RPS6KA5: variants seen among roughly 807,000 people sequenced by gnomAD.
The protein encoded by RPS6KA5 is ribosomal protein S6 kinase A5.
RPS6KA5 carries 27 observed loss-of-function variants against 85.5 expected under a neutral mutation model. The observed-to-expected ratio is 0.32, with a 90% CI of 0.23 to 0.44. RPS6KA5 has a LOEUF of 0.44. RPS6KA5 is among the 20% of genes least tolerant of loss of function. The pLI is 1.00. For missense variants in RPS6KA5, 811 were observed against 980.9 expected (o/e 0.83, Z 2.31); for synonymous variants, 334 against 348.2 (o/e 0.96, Z 0.46).
At chr14:90,997,202 GGAA>G (rs760257381) in intron 2 of RPS6KA5, among the ~76,000 whole-genome samples, 29 of 152,132 alleles carry the variant, frequency 1.9e-4, no homozygotes, top group South Asian at 6.2e-4. Context: ...TAGTAAAAAA[GGAA>G]GAAGATCATT....
Position 90,856,419 on chromosome 14 carries a change from A to AATGGTGC in RPS6KA5, c.*15648_*15654dup, listed in dbSNP as rs2032287933. 1 of 145,614 alleles carries AATGGTGC rather than the reference A, an allele frequency of 6.9e-6. No homozygotes were observed. The highest frequency in any genetic ancestry group is 1.5e-5 in the Non-Finnish European group (1 of 68,954). The allele number at this position is 145,614 out of a possible 1,614,324, so 9.0% of individuals were successfully genotyped here. Reference sequence around the variant, plus strand: ...ACTCTTGTTGCCCAGGCTGGAGTGCAATGGTGCGATCTAGGCTCACTGCAA... The same window carrying AATGGTGC: ...ACTCTTGTTGCCCAGGCTGGAGTGCAATGGTGCATGGTGCGATCTAGGCTCACTGCAA... On this transcript the variant is annotated 3_prime_UTR_variant, in exon 17 of 17. Coordinates refer to ENST00000614987, the MANE Select transcript of RPS6KA5 (RefSeq NM_004755.4).
intron 5 of RPS6KA5, among the ~76,000 whole-genome samples, chr14:90,929,735 C>T (rs1241881321): frequency 6.6e-6 from 1 of 151,520 alleles, no homozygotes; most frequent in African/African-American, 2.4e-5. Flanking sequence ...TGGAGGAACA[C>T]AAAAAGCCAA....
intron 14 of RPS6KA5, among the ~76,000 whole-genome samples, chr14:90,879,956 G>T (rs1031120299): frequency 2.6e-5 from 4 of 151,770 alleles, no homozygotes; most frequent in African/African-American, 7.3e-5. Context: ...GCTAACTTTT[G>T]TGTTTTTAGT....
At chr14:90,925,348 G>A (rs2036601062) in intron 5 of RPS6KA5, among the ~76,000 whole-genome samples, 1 of 152,210 alleles carries the variant, frequency 6.6e-6, no homozygotes, top group African/African-American at 2.4e-5. Flanking sequence ...CTAAACCTCA[G>A]TGAAAACAAA....
At chr14:90,922,514 T>C (rs1396078072) in intron 6 of RPS6KA5, among the ~76,000 whole-genome samples, 1 of 152,252 alleles carries the variant, frequency 6.6e-6, no homozygotes, top group Non-Finnish European at 1.5e-5. Flanking sequence ...AATGGCACAA[T>C]TTCTGCTCAC....
chr14:91,035,936 C>A, intron 1 of RPS6KA5, among the ~76,000 whole-genome samples: 1 of 111,690 alleles, frequency 9.0e-6, no homozygotes, highest in Non-Finnish European at 1.7e-5. Context: ...TAGGTATCTT[C>A]AAGCAAGCAC....
At chr14:90,966,944 G>T (rs1177446102) in intron 3 of RPS6KA5, among the ~76,000 whole-genome samples, 1 of 152,124 alleles carries the variant, frequency 6.6e-6, no homozygotes, top group Non-Finnish European at 1.5e-5. Context: ...GCTCTTCCAA[G>T]AGATAAATTC....
intron 14 of RPS6KA5, among the ~76,000 whole-genome samples, chr14:90,889,889 A>C (rs2034457855): frequency 1.3e-5 from 2 of 152,178 alleles, no homozygotes; most frequent in Admixed American, 1.3e-4. Flanking sequence ...GTACTGTCTG[A>C]AAATTTCCCA....
chr14:90,920,390 CTATT>C, intron 6 of RPS6KA5, 81 bp from the exon 7 acceptor site: 1 of 979,390 alleles, frequency 1.0e-6, no homozygotes, highest in Non-Finnish European at 1.6e-6. Context: ...TAAAAGCTAT[CTATT>C]AGGAAAATGT....
At chr14:91,023,111 T>A (rs1174612954) in intron 1 of RPS6KA5, among the ~76,000 whole-genome samples, 1 of 132,372 alleles carries the variant, frequency 7.6e-6, no homozygotes, top group Non-Finnish European at 1.6e-5. Context: ...AAGATTTGTG[T>A]ACTACTCTTC....
intron 1 of RPS6KA5, among the ~76,000 whole-genome samples, chr14:91,045,253 G>A (rs1226896211): frequency 6.7e-6 from 1 of 149,280 alleles, no homozygotes; most frequent in African/African-American, 2.5e-5. Flanking sequence ...ACCAAGTTCT[G>A]CTGATTCTTT....
chr14:90,874,424 G>A (rs934442466), intron 15 of RPS6KA5, among the ~76,000 whole-genome samples: 1 of 152,150 alleles, frequency 6.6e-6, no homozygotes, highest in African/African-American at 2.4e-5. Context: ...AGACACGGAG[G>A]GATCTGAAAG....
At chr14:90,873,500 T>A (rs964112047) in intron 16 of RPS6KA5, 132 bp downstream of exon 16, 3 of 827,638 alleles carry the variant, frequency 3.6e-6, no homozygotes, top group Admixed American at 6.1e-5. Context: ...TATAAAAACA[T>A]ACCTAAAAGT....
chr14:90,878,672 C>G (rs1229306058), intron 14 of RPS6KA5, among the ~76,000 whole-genome samples: 1 of 152,190 alleles, frequency 6.6e-6, no homozygotes, highest in Non-Finnish European at 1.5e-5. Flanking sequence ...AAAACTGGGG[C>G]TCCAGTGGTC....
At chr14:90,927,979 A>G (rs1409919090) in intron 5 of RPS6KA5, among the ~76,000 whole-genome samples, 1 of 133,500 alleles carries the variant, frequency 7.5e-6, no homozygotes, top group Non-Finnish European at 1.5e-5. Context: ...TCTGTCATCC[A>G]GGCTGGAGTG....
intron 1 of RPS6KA5, among the ~76,000 whole-genome samples, chr14:91,010,777 G>A (rs2041223835): frequency 6.6e-6 from 1 of 152,180 alleles, no homozygotes; most frequent in South Asian, 2.1e-4. Context: ...ATGGGAAAAT[G>A]GAATGTAGGA....
intron 3 of RPS6KA5, among the ~76,000 whole-genome samples, chr14:90,966,495 T>C (rs1443376582): frequency 2.0e-5 from 3 of 152,310 alleles, no homozygotes; most frequent in Non-Finnish European, 2.9e-5. Context: ...ACATAAAAAA[T>C]ATCTCCAAAG....
intron 1 of RPS6KA5, among the ~76,000 whole-genome samples, chr14:91,005,620 A>C (rs1005357223): frequency 6.6e-6 from 1 of 152,214 alleles, no homozygotes; most frequent in African/African-American, 2.4e-5. Flanking sequence ...TAAGCAATAA[A>C]AAACACATAT....
At chr14:90,927,917 C>G (rs1333413431) in intron 5 of RPS6KA5, among the ~76,000 whole-genome samples, 1 of 115,310 alleles carries the variant, frequency 8.7e-6, no homozygotes, top group Non-Finnish European at 1.8e-5. Context: ...TGTCTTTTTT[C>G]TCTTTCTTTC....
Sources: allele counts gnomAD v4.1 joint callset (sites outside exome capture counted in the v4.1 genomes callset), GRCh38; gene constraint gnomAD v4.1.1; transcripts MANE v1.5; gene names NCBI Gene and HGNC (gene_info 2026-07-23, HGNC 2026-07-21).